The following HTR7 variants were observed in gnomAD, a reference collection of about 807,000 sequenced individuals.
HTR7 encodes 5-hydroxytryptamine receptor 7, also known as 5-HT-7.
A neutral mutation model predicts 34.0 loss-of-function variants in HTR7; 16 were observed. That is an observed-to-expected ratio of 0.47 (90% CI 0.32 to 0.71). HTR7 has a LOEUF of 0.71. Among genes scored for constraint, HTR7 ranks in the 30% least tolerant of loss-of-function variants. The pLI is 0.04. For synonymous variants in HTR7, 265 were observed against 260.2 expected (o/e 1.02, Z -0.18); for missense variants, 504 against 625.5 (o/e 0.81, Z 2.07).
In HTR7 at chr10:90,833,802, G is replaced by A. The variant is rs185169511; in HGVS notation, c.539+23331C>T. Among the ~76,000 whole-genome samples the A allele has an allele frequency of 9.1e-4, 138 of 152,040 alleles. No homozygotes were observed. In the East Asian group the frequency reaches 0.021, roughly 24 times the overall value. ...TTTCATTGGGAAGATTGTTCATTTTGAAAATATGAAACTTACACATTGAAA... is the reference window on the plus strand; with the variant it reads ...TTTCATTGGGAAGATTGTTCATTTTAAAAATATGAAACTTACACATTGAAA... On this transcript the variant is annotated intron_variant, in intron 1 of 3. Transcript: ENST00000336152.
chr10:90,763,121 C>CTTTTCTGAT, intron 1 of HTR7, among the ~76,000 whole-genome samples: 1 of 152,210 alleles, frequency 6.6e-6, no homozygotes, highest in Middle Eastern at 3.4e-3. Context: ...TGTCTGGGGT[C>CTTTTCTGAT]TTTTCTGATT....
chr10:90,806,578 G>A (rs1012501778), intron 1 of HTR7, among the ~76,000 whole-genome samples: 4 of 151,552 alleles, frequency 2.6e-5, no homozygotes, highest in East Asian at 1.9e-4. Context: ...CAGCCTGGGC[G>A]ACAGAGCGAG....
At chr10:90,781,390 G>T (rs1391350218) in intron 1 of HTR7, among the ~76,000 whole-genome samples, 1 of 152,078 alleles carries the variant, frequency 6.6e-6, no homozygotes, top group Admixed American at 6.5e-5. Flanking sequence ...ACTTTTTAAA[G>T]TTTTACTTTT....
At chr10:90,773,192 G>A (rs1484987414) in intron 1 of HTR7, among the ~76,000 whole-genome samples, 1 of 152,162 alleles carries the variant, frequency 6.6e-6, no homozygotes, top group African/African-American at 2.4e-5. Flanking sequence ...CTCATACATT[G>A]ACAGAGAAGT....
chr10:90,844,659 G>A (rs556710374), intron 1 of HTR7, among the ~76,000 whole-genome samples: 100 of 141,482 alleles, frequency 7.1e-4, no homozygotes, highest in South Asian at 2.3e-3. Flanking sequence ...CCCGGGAGGC[G>A]TAGCTTGCAG....
intron 1 of HTR7, among the ~76,000 whole-genome samples, chr10:90,817,542 ATAAGTATG>A (rs1017366739): frequency 6.6e-6 from 1 of 152,202 alleles, no homozygotes; most frequent in Non-Finnish European, 1.5e-5. Flanking sequence ...CTAAACTCTC[ATAAGTATG>A]TAATAATTTG....
intron 1 of HTR7, among the ~76,000 whole-genome samples, chr10:90,791,165 T>A (rs774404973): frequency 7.9e-5 from 12 of 152,022 alleles, no homozygotes; most frequent in Non-Finnish European, 1.5e-4. Context: ...TGTTATAATT[T>A]CTAGGTGGGA....
At chr10:90,849,039 A>G (rs140323171) in intron 1 of HTR7, among the ~76,000 whole-genome samples, 1,621 of 152,342 alleles carry the variant, frequency 0.011, 31 homozygotes, top group African/African-American at 0.037. Flanking sequence ...ATTCTGTTGT[A>G]TGAATATACC....
At chr10:90,801,155 G>T (rs1268495207) in intron 1 of HTR7, among the ~76,000 whole-genome samples, 1 of 152,188 alleles carries the variant, frequency 6.6e-6, no homozygotes, top group African/African-American at 2.4e-5. Flanking sequence ...TCTTCAGCGT[G>T]GGCCCCATCT....
chr10:90,768,342 T>G (rs1845054247), intron 1 of HTR7, among the ~76,000 whole-genome samples: 1 of 152,222 alleles, frequency 6.6e-6, no homozygotes, highest in Non-Finnish European at 1.5e-5. Flanking sequence ...TTTCTTTTAA[T>G]GTTATTTATT....
intron 2 of HTR7, among the ~76,000 whole-genome samples, chr10:90,747,657 C>A (rs1314738450): frequency 4.6e-5 from 7 of 152,128 alleles, no homozygotes; most frequent in African/African-American, 1.7e-4. Flanking sequence ...CTTTTCAACT[C>A]CCAGTTAGCT....
At chr10:90,844,511 G>A (rs1342179974) in intron 1 of HTR7, among the ~76,000 whole-genome samples, 1 of 151,600 alleles carries the variant, frequency 6.6e-6, no homozygotes, top group African/African-American at 2.4e-5. Flanking sequence ...GGATCATGAG[G>A]TCAGGAGATC....
At chr10:90,808,308 G>T (rs1028054489) in intron 1 of HTR7, among the ~76,000 whole-genome samples, 1 of 150,524 alleles carries the variant, frequency 6.6e-6, no homozygotes, top group Admixed American at 6.6e-5. Context: ...AGCAAGTCCC[G>T]CTTTTCTAGA....
At chr10:90,836,437 C>G (rs549995339) in intron 1 of HTR7, among the ~76,000 whole-genome samples, 3 of 152,160 alleles carry the variant, frequency 2.0e-5, no homozygotes, top group African/African-American at 7.2e-5. Context: ...GTATTAATAA[C>G]AATGCTGCCT....
intron 1 of HTR7, among the ~76,000 whole-genome samples, chr10:90,761,675 C>T (rs983053683): frequency 4.7e-5 from 7 of 150,384 alleles, no homozygotes; most frequent in Admixed American, 4.0e-4. Context: ...GTGAGGTTTA[C>T]TCTCTTAGCA....
At chr10:90,840,095 T>C (rs916870575) in intron 1 of HTR7, among the ~76,000 whole-genome samples, 7 of 151,282 alleles carry the variant, frequency 4.6e-5, no homozygotes, top group African/African-American at 1.7e-4. Flanking sequence ...TTCTCTAACT[T>C]GGTTTGCATG....
At chr10:90,842,035 C>G (rs12414389) in intron 1 of HTR7, among the ~76,000 whole-genome samples, 32,385 of 149,646 alleles carry the variant, frequency 0.22, 4,467 homozygotes, top group African/African-American at 0.38. Flanking sequence ...ACAACAACAA[C>G]AAAAAAGATC....
intron 1 of HTR7, among the ~76,000 whole-genome samples, chr10:90,853,892 G>C (rs1180707327): frequency 6.6e-6 from 1 of 152,200 alleles, no homozygotes; most frequent in African/African-American, 2.4e-5. Flanking sequence ...AACCTGATGA[G>C]CATCAAAGTC....
chr10:90,775,886 GA>G (rs1485083349), intron 1 of HTR7, among the ~76,000 whole-genome samples: 1 of 152,148 alleles, frequency 6.6e-6, no homozygotes, highest in Non-Finnish European at 1.5e-5. Context: ...AACCACAAAT[GA>G]GAGCCATATG....
Sources: allele counts gnomAD v4.1 joint callset (sites outside exome capture counted in the v4.1 genomes callset), GRCh38; gene constraint gnomAD v4.1.1; transcripts MANE v1.5; gene names NCBI Gene and HGNC (gene_info 2026-07-23, HGNC 2026-07-21).